AFG2A: variants seen among roughly 807,000 people sequenced by gnomAD.
The protein encoded by AFG2A is ATPase family gene 2 protein homolog A.
chr4:123,166,144 C>G, the AFG2A span, among the ~76,000 whole-genome samples: 174 of 151,998 alleles, frequency 1.1e-3, 1 homozygote, highest in Non-Finnish European at 2.0e-3. Context: ...AAGTATTGAC[C>G]CTGAGTGTGT....
At chr4:123,132,071 A>G in the AFG2A span, among the ~76,000 whole-genome samples, 9 of 152,262 alleles carry the variant, frequency 5.9e-5, no homozygotes, top group African/African-American at 2.2e-4. Flanking sequence ...GATTTTCACT[A>G]TATTTTCATG....
the AFG2A span, among the ~76,000 whole-genome samples, chr4:123,193,212 A>G: frequency 6.6e-6 from 1 of 152,214 alleles, no homozygotes; most frequent in African/African-American, 2.4e-5. Context: ...ATTGCCTGAT[A>G]GTGATTTCAG....
At chr4:122,927,098 T>C in the AFG2A span, among the ~76,000 whole-genome samples, 1 of 152,154 alleles carries the variant, frequency 6.6e-6, no homozygotes, top group Non-Finnish European at 1.5e-5. Flanking sequence ...CTGGACCCCC[T>C]TTTTCAGCCA....
At chr4:123,093,320 G>GTGAC in the AFG2A span, among the ~76,000 whole-genome samples, 400 of 152,258 alleles carry the variant, frequency 2.6e-3, no homozygotes, top group African/African-American at 9.0e-3. Flanking sequence ...TCATTTACAT[G>GTGAC]CAAATTAAAG....
At chr4:123,172,750 G>A in the AFG2A span, among the ~76,000 whole-genome samples, 1 of 151,950 alleles carries the variant, frequency 6.6e-6, no homozygotes, top group Non-Finnish European at 1.5e-5. Flanking sequence ...ATGTTGCTTT[G>A]TTGGTTTACA....
At chr4:123,288,192 G>A in the AFG2A span, among the ~76,000 whole-genome samples, 1 of 152,082 alleles carries the variant, frequency 6.6e-6, no homozygotes, top group Non-Finnish European at 1.5e-5. Context: ...AAATGAGAAT[G>A]GGAAGAGAGG....
the AFG2A span, among the ~76,000 whole-genome samples, chr4:123,273,110 T>C: frequency 6.6e-6 from 1 of 152,142 alleles, no homozygotes; most frequent in Admixed American, 6.5e-5. Flanking sequence ...ATTTCTTAGG[T>C]AGAGGGCTAG....
the AFG2A span, among the ~76,000 whole-genome samples, chr4:123,086,457 A>T: frequency 2.0e-5 from 3 of 152,142 alleles, no homozygotes; most frequent in Non-Finnish European, 4.4e-5. Flanking sequence ...AAGGTTTTTT[A>T]AAAATCTTTG....
chr4:123,035,088 T>A, the AFG2A span, among the ~76,000 whole-genome samples: 12 of 152,334 alleles, frequency 7.9e-5, no homozygotes, highest in Non-Finnish European at 1.3e-4. Context: ...TGAACTTGCC[T>A]GTTTCACTGC....
chr4:123,028,858 T>C, the AFG2A span, among the ~76,000 whole-genome samples: 1 of 152,236 alleles, frequency 6.6e-6, no homozygotes, highest in African/African-American at 2.4e-5. Context: ...TTGTTTTTAT[T>C]CTGAACCACA....
At chr4:123,001,764 G>A in the AFG2A span, among the ~76,000 whole-genome samples, 2 of 151,950 alleles carry the variant, frequency 1.3e-5, no homozygotes, top group African/African-American at 4.8e-5. Flanking sequence ...GTGGTGCTGA[G>A]AAGAATGTAT....
At chr4:123,143,831 CT>C in the AFG2A span, among the ~76,000 whole-genome samples, 102,290 of 133,572 alleles carry the variant, frequency 0.77, 40,836 homozygotes, top group East Asian at 0.96. Context: ...ACTTCTCTCT[CT>C]TTTTTTTTTT....
chr4:122,952,423 T>C, the AFG2A span, among the ~76,000 whole-genome samples: 2 of 152,130 alleles, frequency 1.3e-5, no homozygotes, highest in Non-Finnish European at 2.9e-5. Flanking sequence ...AGTATAGGGG[T>C]CTAAGGAGTT....
the AFG2A span, among the ~76,000 whole-genome samples, chr4:123,063,181 A>G: frequency 1.3e-5 from 2 of 152,128 alleles, no homozygotes; most frequent in Non-Finnish European, 2.9e-5. Context: ...TTCTTTGGCT[A>G]TTTGAATTGA....
the AFG2A span, among the ~76,000 whole-genome samples, chr4:122,992,608 T>C: frequency 1.3e-5 from 2 of 152,232 alleles, no homozygotes; most frequent in Non-Finnish European, 2.9e-5. Context: ...ATTTAGCATG[T>C]TTTCAGAAAA....
At chr4:122,928,448 T>G in the AFG2A span, among the ~76,000 whole-genome samples, 8 of 152,346 alleles carry the variant, frequency 5.3e-5, no homozygotes, top group Admixed American at 3.9e-4. Flanking sequence ...TTTGAAATTT[T>G]TTGTCTGCTG....
At chr4:123,304,857 G>T in the AFG2A span, among the ~76,000 whole-genome samples, 1 of 152,132 alleles carries the variant, frequency 6.6e-6, no homozygotes, top group Non-Finnish European at 1.5e-5. Context: ...GACGTGAGGG[G>T]TGTCTCCCTC....
chr4:123,089,043 T>C, the AFG2A span, among the ~76,000 whole-genome samples: 5 of 152,228 alleles, frequency 3.3e-5, no homozygotes, highest in Non-Finnish European at 7.3e-5. Flanking sequence ...ACTTTGCAAG[T>C]ACTCTTTGGT....
At chr4:123,239,815 A>G in the AFG2A span, among the ~76,000 whole-genome samples, 1 of 152,206 alleles carries the variant, frequency 6.6e-6, no homozygotes. Flanking sequence ...ACAGGATTAA[A>G]TTCACACATA....
Sources: gnomAD v4.1 joint callset for allele counts (sites outside exome capture counted in the v4.1 genomes callset) on GRCh38, gnomAD v4.1.1 for gene constraint, MANE v1.5 for transcripts, NCBI Gene and HGNC (gene_info 2026-07-23, HGNC 2026-07-21) for gene names.